NIPA1: variants seen among roughly 807,000 people sequenced by gnomAD.
NIPA1 encodes the protein NIPA magnesium transporter 1, also known as magnesium transporter NIPA1.
A neutral mutation model predicts 23.9 loss-of-function variants in NIPA1; 13 were observed. The observed-to-expected ratio is 0.54, with a 90% confidence interval of 0.35 to 0.87. NIPA1 has a LOEUF of 0.87. Ranked by LOEUF, NIPA1 falls within the 40% of genes least tolerant of loss-of-function variation. The pLI, the probability that NIPA1 is intolerant of heterozygous loss-of-function variation, is 0.01. For synonymous variants in NIPA1, 234 were observed against 202.9 expected (o/e 1.15, Z -1.30); for missense variants, 362 against 429.7 (o/e 0.84, Z 1.39).
intron 1 of NIPA1, among the ~76,000 whole-genome samples, chr15:22,800,930 CAAA>C (rs1243873890): frequency 1.5e-5 from 1 of 68,826 alleles, no homozygotes; most frequent in Non-Finnish European, 2.7e-5. Context: ...GACTCCGTCT[CAAA>C]AAAAAAAAAA....
rs1378669786 is a variant in NIPA1 at position 22,812,232 on chromosome 15, G to A, written c.296G>A (p.Gly99Asp). ...AVPTVLVTPL[G>D]ALGVPFGSIL... is the part of the protein sequence containing the mutation. ...CCCACGGTCCTGGTAACCCCCCTGG[G>A]CGCCCTTGGAGTACCGTTCGGGTGA... Residue 99 changes from glycine (G) to aspartate (D), a missense_variant, in exon 3 of 5, where the codon GGC becomes GAC. Physicochemically the swap from Gly to Asp is moderately conservative, Grantham distance 94 (BLOSUM62 -1). This residue lies in a region of NIPA1 where 277 missense variants were observed against 372.0 expected (regional missense o/e 0.74). Transcript: ENST00000337435. 1.2e-6 allele frequency: 2 copies of A among 1,613,676 alleles called. No individual in the cohort carries two copies. Among genetic ancestry groups the A allele is most frequent in the Non-Finnish European group, 8.5e-7 (1 of 1,179,610 alleles).
chr15:22,811,659 G>A (rs531595701), intron 2 of NIPA1, among the ~76,000 whole-genome samples: 7 of 152,250 alleles, frequency 4.6e-5, no homozygotes, highest in East Asian at 1.9e-4. Flanking sequence ...CTTTTAATAC[G>A]ACATTACGTG....
intron 3 of NIPA1, among the ~76,000 whole-genome samples, chr15:22,817,256 T>G (rs1224103658): frequency 6.7e-6 from 1 of 149,800 alleles, no homozygotes; most frequent in African/African-American, 2.5e-5. Flanking sequence ...TCCCAGCACT[T>G]TGGGAGGCTG....
chr15:22,803,798 C>T (rs12904026), intron 1 of NIPA1, among the ~76,000 whole-genome samples: 4 of 148,096 alleles, frequency 2.7e-5, no homozygotes, highest in East Asian at 2.0e-4. Context: ...TCCTGCCTCA[C>T]GCTCCCGAGT....
At chr15:22,787,325 A>G (rs926813668) in intron 1 of NIPA1, among the ~76,000 whole-genome samples, 1 of 152,188 alleles carries the variant, frequency 6.6e-6, no homozygotes, top group Non-Finnish European at 1.5e-5. Context: ...TCGGTAGAGC[A>G]AGACCTGGGA....
chr15:22,806,367 GT>G (rs1427173278), intron 1 of NIPA1, among the ~76,000 whole-genome samples: 1 of 152,146 alleles, frequency 6.6e-6, no homozygotes, highest in Non-Finnish European at 1.5e-5. Context: ...ACACTTCTTT[GT>G]TTTATAGTTT....
At chr15:22,819,680 C>G (rs964249099) in intron 3 of NIPA1, among the ~76,000 whole-genome samples, 10 of 152,006 alleles carry the variant, frequency 6.6e-5, no homozygotes, top group African/African-American at 2.2e-4. Context: ...TCATGCATTA[C>G]TTATAATTAT....
In NIPA1 at chr15:22,823,695, G is replaced by A. The variant is rs964735927; in HGVS notation, c.479-33G>A. On this transcript the variant is annotated intron_variant, in intron 4 of 4. Coordinates refer to ENST00000337435, the MANE Select transcript of NIPA1 (RefSeq NM_144599.5). ...CCTGGGTTGCGGCTGCTAGGCGGTG[G>A]CTCCGGGTGACTGTGTGCTGTCTGT... is the stretch of plus-strand genomic sequence containing the variant. 5.7e-6 allele frequency: 9 copies of A among 1,578,526 alleles called. No individual in the cohort carries two copies. In the African/African-American group the frequency reaches 1.1e-4, roughly 19 times the overall value.
Position 22,825,650 on chromosome 15 carries a change from C to T in NIPA1, c.*1411C>T, listed in dbSNP as rs1895635770. 1 of 152,180 alleles carries T rather than the reference C, an allele frequency of 6.6e-6. No homozygotes were observed. The highest frequency in any genetic ancestry group is 2.4e-5 in the African/African-American group (1 of 41,418). 9.4% of individuals were successfully genotyped at this position (152,180 alleles called of 1,614,324 possible). A position where few individuals can be genotyped will look rare whatever the true frequency, so the allele number is the denominator to read the frequency against. On this transcript the variant is annotated 3_prime_UTR_variant, in exon 5 of 5. Coordinates refer to ENST00000337435, the MANE Select transcript of NIPA1 (RefSeq NM_144599.5). ...CTCATATATCGAGTACCCTGTCATA[C>T]AGGAACAAGTTAAAGGACACAATTG... is the stretch of plus-strand genomic sequence containing the variant.
Position 22,827,333 on chromosome 15 carries a change from C to T in NIPA1, c.*3094C>T, listed in dbSNP as rs535655404. ...CCAATTAAGGATTCTAACCCTAACC[C>T]AGCACCACAAAGCCCCCCTGGAGCA... On this transcript the variant is annotated 3_prime_UTR_variant, in exon 5 of 5. Transcript: ENST00000337435. The T allele has an allele frequency of 6.6e-6, 1 of 152,208 alleles. No homozygotes were observed. The highest frequency in any genetic ancestry group is 1.5e-5 in the Non-Finnish European group (1 of 68,028). The allele number at this position is 152,208 out of a possible 1,614,324, so 9.4% of individuals were successfully genotyped here.
chr15:22,812,873 G>A (rs912275865), intron 3 of NIPA1, among the ~76,000 whole-genome samples: 2 of 152,084 alleles, frequency 1.3e-5, no homozygotes, highest in African/African-American at 4.8e-5. Flanking sequence ...TGACACCTTG[G>A]CAAGTTATTC....
chr15:22,812,260 G>A lies in NIPA1; in HGVS notation c.317+7G>A, dbSNP rs1895333497. ...CCCTTGGAGTACCGTTCGGGTGAGA[G>A]CCAAGATTGTGTTTGGTATTTAATG... On this transcript the variant is annotated splice_region_variant and intron_variant, in intron 3 of 4. Coordinates refer to ENST00000337435, the MANE Select transcript of NIPA1 (RefSeq NM_144599.5). 1 of 1,594,714 alleles carries A rather than the reference G, an allele frequency of 6.3e-7. No individual in the cohort carries two copies. Among genetic ancestry groups the A allele is most frequent in the Admixed American group, 1.7e-5 (1 of 59,964 alleles).
intron 4 of NIPA1, 37 bp from the exon 5 acceptor site, chr15:22,823,690 CG>C (rs1463211268): frequency 6.4e-7 from 1 of 1,572,116 alleles, no homozygotes; most frequent in African/African-American, 1.3e-5. Flanking sequence ...GGCTGCTAGG[CG>C]GTGGCTCCGG....
At chr15:22,798,066 C>T (rs1894979254) in intron 1 of NIPA1, among the ~76,000 whole-genome samples, 1 of 150,632 alleles carries the variant, frequency 6.6e-6, no homozygotes, top group South Asian at 2.1e-4. Context: ...CCAGGATGGT[C>T]TTGATCTCCT....
intron 1 of NIPA1, among the ~76,000 whole-genome samples, chr15:22,801,077 GAA>G (rs34922903): frequency 2.3e-4 from 34 of 145,748 alleles, no homozygotes; most frequent in East Asian, 6.0e-4. Flanking sequence ...TCCAGCTCAA[GAA>G]AAAAAAAAAA....
intron 1 of NIPA1, among the ~76,000 whole-genome samples, chr15:22,788,951 T>C (rs897935646): frequency 1.8e-4 from 25 of 140,636 alleles, no homozygotes; most frequent in Admixed American, 9.9e-4. Flanking sequence ...AAATGCTGTT[T>C]CTTATACCTA....
chr15:22,789,881 G>A (rs970216916), intron 1 of NIPA1, among the ~76,000 whole-genome samples: 3 of 151,874 alleles, frequency 2.0e-5, no homozygotes, highest in Non-Finnish European at 4.4e-5. Context: ...TGCAGCCCCC[G>A]CCTCCTAGGC....
At chr15:22,807,376 G>A (rs1223012226) in intron 1 of NIPA1, among the ~76,000 whole-genome samples, 2 of 152,132 alleles carry the variant, frequency 1.3e-5, no homozygotes, top group Non-Finnish European at 2.9e-5. Flanking sequence ...AGCTGCTGTA[G>A]CAGGAATCCC....
At chr15:22,786,604 G>T (rs1894704074), upstream of NIPA1, 10 of 708,168 alleles carry the variant, frequency 1.4e-5, no homozygotes, top group Non-Finnish European at 1.7e-5. Context: ...CCCCCATCCC[G>T]CCCCGCGGGG....
Sources: allele counts gnomAD v4.1 joint callset (sites outside exome capture counted in the v4.1 genomes callset), GRCh38; gene constraint gnomAD v4.1.1; regional missense constraint gnomAD v4.1.1; transcripts MANE v1.5; gene names NCBI Gene and HGNC (gene_info 2026-07-23, HGNC 2026-07-21).